Variants in PMS2 observed in about 807,000 individuals in gnomAD.
PMS2 encodes mismatch repair endonuclease PMS2.
A neutral mutation model predicts 90.0 loss-of-function variants in PMS2; 69 were observed. The observed-to-expected ratio is 0.77, with a 90% CI of 0.63 to 0.94. PMS2 has a LOEUF of 0.94. PMS2 is among the 40% of genes least tolerant of loss of function. The pLI is 0.00. For missense variants in PMS2, 966 were observed against 1,040.2 expected, an observed-to-expected ratio of 0.93 and a Z score of 0.98; for synonymous variants, 332 against 375.1, an observed-to-expected ratio of 0.89 and a Z score of 1.33.
Position 5,992,070 on chromosome 7 carries a change from C to A in PMS2, c.904-13G>T, listed in dbSNP as rs1783816031. 2 of 1,405,268 alleles carry A rather than the reference C, an allele frequency of 1.4e-6. No individual in the cohort carries two copies. Among genetic ancestry groups the A allele is most frequent in the Non-Finnish European group, 2.0e-6 (2 of 989,958 alleles). The allele number at this position is 1,405,268 out of a possible 1,614,324, so 87.0% of individuals were successfully genotyped here. On this transcript the variant is annotated splice_polypyrimidine_tract_variant and intron_variant, in intron 8 of 14. Transcript: ENST00000265849. ...CGAGTCTGCAGACCTGCACAAAATA[C>A]AAGGAGTAGAAAAGAATAAATGACA...
In PMS2 at chr7:5,981,213, A is replaced by G. The variant is rs550990626; in HGVS notation, c.2174+1611T>C. Among the ~76,000 whole-genome samples, 707 of 151,558 alleles carry G rather than the reference A, an allele frequency of 4.7e-3. 3 individuals carry two copies. The highest frequency in any genetic ancestry group is 8.0e-3 in the Non-Finnish European group (545 of 67,984). ...CAAATTCTGCAGTGACTATCTTAAA[A>G]TAATTTTTAAATTTTATTTTATTTT... On this transcript the variant is annotated intron_variant, in intron 12 of 14. Transcript: ENST00000265849.
intron 8 of PMS2, among the ~76,000 whole-genome samples, chr7:5,992,586 CT>C (rs910141834): frequency 4.4e-4 from 67 of 152,270 alleles, no homozygotes; most frequent in African/African-American, 1.5e-3. Context: ...TCCCAAAGTG[CT>C]GGGATTATAG....
rs587781281 is a variant in PMS2 at position 5,995,563 on chromosome 7, T to A, written c.874A>T (p.Ile292Phe). 2.5e-6 allele frequency: 4 copies of A among 1,613,922 alleles called. No homozygotes were observed. Among genetic ancestry groups the A allele is most frequent in the Non-Finnish European group, 2.5e-6 (3 of 1,179,850 alleles). The change falls in exon 8 of 15, where the codon ATC (isoleucine) becomes TTC (phenylalanine). Residue 292 changes from isoleucine to phenylalanine, a missense_variant. Transcript: ENST00000265849. ...RSSTDRQFFF[I>F]NRRPCDPAKV... The stretch of plus-strand genomic sequence containing the variant: ...GCTGGGTCACAAGGCCGCCGGTTGA[T>A]AAAGAAAAACTGTCTGTCTGTTGAA...
Position 6,007,087 on chromosome 7 carries a change from C to CATTATTATT in PMS2, c.24-1065_24-1057dup, listed in dbSNP as rs10592354. The stretch of plus-strand genomic sequence containing the variant: ...TCCTTTCCCTTCATCAAGTCCCCTA[C>CATTATTATT]ATTATTATTATTATTATTATTATTA... On this transcript the variant is annotated intron_variant, in intron 1 of 14. Coordinates refer to ENST00000265849, the MANE Select transcript of PMS2 (RefSeq NM_000535.7). 4.1e-4 allele frequency among the ~76,000 whole-genome samples: 61 copies of CATTATTATT among 147,430 alleles called. No homozygotes were observed. The East Asian group carries it at 7.8e-3, about 19-fold the overall frequency.
At chr7:6,007,103 ATTATTATTATTG>A (rs59916530) in intron 1 of PMS2, among the ~76,000 whole-genome samples, 265 of 150,628 alleles carry the variant, frequency 1.8e-3, no homozygotes, top group African/African-American at 6.0e-3. Flanking sequence ...TATTATTATT[ATTATTATTATTG>A]TTATTATTGT....
intron 7 of PMS2, among the ~76,000 whole-genome samples, chr7:5,996,984 G>A (rs1784475891): frequency 6.6e-6 from 1 of 152,096 alleles, no homozygotes; most frequent in African/African-American, 2.4e-5. Flanking sequence ...GGACACCAAG[G>A]TGGGCGGATC....
rs936094821 is a variant in PMS2, at chr7:5,976,005, C to T, written c.2445+1583G>A. ...CCTGTAATCCCAGCACTTTGGGAGA[C>T]CAAGGCGGGCAGATCATGAGGTCAG... is the stretch of plus-strand genomic sequence containing the variant. On this transcript the variant is annotated intron_variant, in intron 14 of 14. Coordinates refer to ENST00000265849, the MANE Select transcript of PMS2 (RefSeq NM_000535.7). Among the ~76,000 whole-genome samples, 2 of 143,816 alleles carry T rather than the reference C, an allele frequency of 1.4e-5. 1 individual carries two copies. The highest frequency in any genetic ancestry group is 4.8e-4 in the South Asian group (2 of 4,192). The allele number at this position is 143,816 out of a possible 152,430, so 94.3% of individuals were successfully genotyped here.
chr7:5,997,575 C>T (rs1401040084), intron 6 of PMS2, 152 bp from the exon 7 acceptor site: 1 of 636,964 alleles, frequency 1.6e-6, no homozygotes, highest in Non-Finnish European at 2.8e-6. Context: ...GACAGGGTCT[C>T]CCTCTATTGC....
chr7:5,989,258 C>T (rs1168663566), intron 10 of PMS2, among the ~76,000 whole-genome samples: 2 of 151,922 alleles, frequency 1.3e-5, no homozygotes, highest in Non-Finnish European at 2.9e-5. Context: ...TGGAGAAACC[C>T]CATCTCTAAT....
intron 1 of PMS2, among the ~76,000 whole-genome samples, chr7:6,008,256 C>G (rs1400995570): frequency 1.3e-5 from 2 of 152,178 alleles, no homozygotes; most frequent in Non-Finnish European, 2.9e-5. Context: ...CTAAATATAT[C>G]TAATATATTT....
chr7:5,995,429 T>C, intron 8 of PMS2, 105 bp downstream of exon 8: 1 of 745,912 alleles, frequency 1.3e-6, no homozygotes, highest in South Asian at 1.4e-5. Flanking sequence ...AAGCCATGTT[T>C]CTCAAAGTCC....
At chr7:5,985,290 G>A (rs971532822) in intron 11 of PMS2, among the ~76,000 whole-genome samples, 2 of 116,882 alleles carry the variant, frequency 1.7e-5, no homozygotes, top group African/African-American at 6.7e-5. Context: ...TTTTTTTTTA[G>A]AGATGGGGCC....
rs769554703 is a variant in PMS2, at chr7:5,997,373, A to C, written c.756T>G (p.Cys252Trp). 1 of 1,607,882 alleles carries C rather than the reference A, an allele frequency of 6.2e-7. No individual in the cohort carries two copies. The highest frequency in any genetic ancestry group is 2.2e-5 in the East Asian group (1 of 44,820). Residue 252 changes from cysteine to tryptophan, a missense_variant, in exon 7 of 15, where the codon TGT (cysteine) becomes TGG (tryptophan). Coordinates refer to ENST00000265849, the MANE Select transcript of PMS2 (RefSeq NM_000535.7). ...FVQLPPSDSV[C>W]EEYGLSCSDA... Reference sequence around the variant, plus strand: ...CGGAACAGCTCAAACCGTACTCTTCACACACGGAGTCACTAGGGGGCAGCT... The same window carrying C: ...CGGAACAGCTCAAACCGTACTCTTCCCACACGGAGTCACTAGGGGGCAGCT...
intron 5 of PMS2, among the ~76,000 whole-genome samples, chr7:6,001,175 T>A (rs1785047838): frequency 6.6e-6 from 1 of 152,148 alleles, no homozygotes; most frequent in South Asian, 2.1e-4. Flanking sequence ...AACATGAAAG[T>A]GCCGAGTCTT....
At chr7:5,997,222 A>T in intron 7 of PMS2, 104 bp downstream of exon 7, 1 of 717,480 alleles carries the variant, frequency 1.4e-6, no homozygotes, top group Non-Finnish European at 2.5e-6. Context: ...TCAAGAAAAA[A>T]AAAAAAAGAC....
chr7:5,985,247 A>G (rs1425341368), intron 11 of PMS2, among the ~76,000 whole-genome samples: 1 of 150,912 alleles, frequency 6.6e-6, no homozygotes, highest in African/African-American at 2.4e-5. Context: ...ACAGGCGTAC[A>G]GCAATGTACT....
At chr7:5,987,766 T>C (rs1442364330) in intron 10 of PMS2, 146 bp from the exon 11 acceptor site, 3 of 972,490 alleles carry the variant, frequency 3.1e-6, no homozygotes, top group South Asian at 2.6e-5. Flanking sequence ...AATAAAACTA[T>C]AATATGGGCC....
rs748909615 is a variant in PMS2, at chr7:6,009,043, G to C, written c.-24C>G. On this transcript the variant is annotated 5_prime_UTR_variant, in exon 1 of 15. Transcript: ENST00000265849. Reference sequence around the variant, plus strand: ...ATGGATGCAACACCCGATCCGCCTCGGGGACTGGGAAAGTTCCCTCCAGGG... The same window carrying C: ...ATGGATGCAACACCCGATCCGCCTCCGGGACTGGGAAAGTTCCCTCCAGGG... 1.4e-5 allele frequency: 23 copies of C among 1,612,090 alleles called. No individual in the cohort carries two copies. Among genetic ancestry groups the C allele is most frequent in the Admixed American group, 1.0e-4 (6 of 59,996 alleles).
At chr7:5,993,095 G>T (rs1783944294) in intron 8 of PMS2, among the ~76,000 whole-genome samples, 1 of 152,180 alleles carries the variant, frequency 6.6e-6, no homozygotes, top group South Asian at 2.1e-4. Context: ...CAGGGGCTGG[G>T]AGCGGTGGCT....
Sources: gnomAD v4.1 joint callset for allele counts (sites outside exome capture counted in the v4.1 genomes callset) on GRCh38, gnomAD v4.1.1 for gene constraint, MANE v1.5 for transcripts, NCBI Gene and HGNC (gene_info 2026-07-23, HGNC 2026-07-21) for gene names.